The following CSTB variants were observed in gnomAD, a reference collection of about 807,000 sequenced individuals.
The protein encoded by CSTB is cystatin-B.
In CSTB, 8 loss-of-function variants were observed where a neutral mutation model predicts 7.6. The observed-to-expected ratio is 1.05, with a 90% confidence interval of 0.62 to 1.89. CSTB has a LOEUF of 1.89. CSTB is among the 40% of genes most tolerant of loss of function. The pLI, the probability that CSTB is intolerant of heterozygous loss-of-function variation, is 0.00. For missense variants in CSTB, 124 were observed against 126.4 expected, an observed-to-expected ratio of 0.98 and a Z score of 0.09; for synonymous variants, 56 against 55.3, an observed-to-expected ratio of 1.01 and a Z score of -0.06.
In CSTB at chr21:43,776,236, C is replaced by T; in HGVS notation, c.34G>A (p.Ala12Thr). 1 of 1,529,680 alleles carries T rather than the reference C, an allele frequency of 6.5e-7. No individual in the cohort carries two copies. The highest frequency in any genetic ancestry group is 8.8e-7 in the Non-Finnish European group (1 of 1,141,412). The allele number at this position is 1,529,680 out of a possible 1,614,324, so 94.8% of individuals were successfully genotyped here. A position where few individuals can be genotyped will look rare whatever the true frequency, so the allele number is the denominator to read the frequency against. ...MCGAPSATQP[A>T]TAETQHIADQ... Reference sequence around the variant, plus strand: ...GCGATGTGCTGGGTCTCGGCGGTGGCCGGCTGCGTGGCGGAGGGCGCCCCG... The same window carrying T: ...GCGATGTGCTGGGTCTCGGCGGTGGTCGGCTGCGTGGCGGAGGGCGCCCCG... Residue 12 changes from alanine (A) to threonine (T), a missense_variant, in exon 1 of 3, where the codon GCC (alanine) becomes ACC (threonine). Ala to Thr is a moderately conservative substitution (Grantham distance 58, BLOSUM62 0). Coordinates refer to ENST00000291568, the MANE Select transcript of CSTB (RefSeq NM_000100.4).
chr21:43,775,278 G>A, intron 1 of CSTB: 1 of 208,640 alleles, frequency 4.8e-6, no homozygotes, highest in Non-Finnish European at 9.9e-6. Context: ...CTTGCTTGGG[G>A]CATCCCGTCG....
intron 1 of CSTB, 25 bp downstream of exon 1, chr21:43,776,179 G>T: frequency 6.6e-7 from 1 of 1,524,996 alleles, no homozygotes. Flanking sequence ...ACTCCGGGCC[G>T]GCCCCGTCCC....
chr21:43,775,048 C>T, intron 1 of CSTB: 1 of 447,086 alleles, frequency 2.2e-6, no homozygotes, highest in East Asian at 4.6e-5. Context: ...AATGGCAAAA[C>T]CCCGTTTCTA....
In CSTB at chr21:43,774,727, CTTG is replaced by C. The variant is rs750620672; in HGVS notation, c.96_98del (p.Asn32del). On this transcript the variant is annotated inframe_deletion, in exon 2 of 3. Transcript: ENST00000291568. ...ACACGGCCTTAAACACAGGGAACTT[CTTG>C]TTTTCTTTCTCTTCAAGCTGGGACC... is the stretch of plus-strand genomic sequence containing the variant. The C allele has an allele frequency of 6.2e-6, 10 of 1,614,026 alleles. No individual in the cohort carries two copies. The highest frequency in any genetic ancestry group is 1.1e-5 in the South Asian group (1 of 91,088).
At chr21:43,775,928 T>A in intron 1 of CSTB, 1 of 413,098 alleles carries the variant, frequency 2.4e-6, no homozygotes. Flanking sequence ...AGACTGTCCA[T>A]GCAGGGACCG....
Position 43,776,225 on chromosome 21 carries a change from C to T in CSTB, c.45G>A (p.Glu15=), listed in dbSNP as rs1057521317. 1.4e-4 allele frequency: 219 copies of T among 1,532,286 alleles called. 1 individual carries two copies. In the East Asian group the frequency reaches 5.2e-3, roughly 37 times the overall value. The allele number at this position is 1,532,286 out of a possible 1,614,324, so 94.9% of individuals were successfully genotyped here. A position where few individuals can be genotyped will look rare whatever the true frequency, so the allele number is the denominator to read the frequency against. ...APSATQPATA[E]TQHIADQVRS... ...CCACCTGGTCGGCGATGTGCTGGGT[C>T]TCGGCGGTGGCCGGCTGCGTGGCGG... Residue 15 remains glutamate (E), a synonymous_variant, in exon 1 of 3, where the codon GAG becomes GAA. Transcript: ENST00000291568.
Position 43,774,670 on chromosome 21 carries a change from G to C in CSTB, c.156C>G (p.Asn52Lys). 1 of 1,613,874 alleles carries C rather than the reference G, an allele frequency of 6.2e-7. No individual in the cohort carries two copies. Among genetic ancestry groups the C allele is most frequent in the South Asian group, 1.1e-5 (1 of 91,076 alleles). ...GCCCACACTCTACCTTGATGAAGTA[G>C]TTTGTCCCCGCGACCACCTGGCTCT... ...SFKSQVVAGT[N>K]YFIKVHVGDE... The change falls in exon 2 of 3, where the codon AAC becomes AAG. Residue 52 changes from asparagine (N) to lysine (K), a missense_variant. Physicochemically the swap from Asn to Lys is moderately conservative, Grantham distance 94 (BLOSUM62 0). Transcript: ENST00000291568.
intron 2 of CSTB, 42 bp from the exon 3 acceptor site, chr21:43,774,372 C>T: frequency 5.6e-6 from 9 of 1,613,760 alleles, no homozygotes; most frequent in Non-Finnish European, 7.6e-6. Flanking sequence ...GATCCCAAGT[C>T]ACCTTGCTGC....
At chr21:43,775,274 T>C in intron 1 of CSTB, 1 of 212,566 alleles carries the variant, frequency 4.7e-6, no homozygotes, top group Non-Finnish European at 9.6e-6. Context: ...TGTTCTTGCT[T>C]GGGGCATCCC....
In CSTB at chr21:43,773,975, T is replaced by C. The variant is rs886057112; in HGVS notation, c.*227A>G. 6.8e-6 allele frequency: 4 copies of C among 588,400 alleles called. No homozygotes were observed. The highest frequency in any genetic ancestry group is 1.2e-5 in the Non-Finnish European group (4 of 333,060). The allele number at this position is 588,400 out of a possible 1,614,324, so 36.4% of individuals were successfully genotyped here. On this transcript the variant is annotated 3_prime_UTR_variant, in exon 3 of 3. Coordinates refer to ENST00000291568, the MANE Select transcript of CSTB (RefSeq NM_000100.4). Reference sequence around the variant, plus strand: ...TAAGGATTTTAAAAATATATCTATTTTGAAAATATTCTGAAAGTAATTAAG... The same window carrying C: ...TAAGGATTTTAAAAATATATCTATTCTGAAAATATTCTGAAAGTAATTAAG...
chr21:43,774,405 C>G, intron 2 of CSTB, 75 bp from the exon 3 acceptor site: 1 of 1,604,962 alleles, frequency 6.2e-7, no homozygotes, highest in Admixed American at 1.7e-5. Context: ...CATTAGCAGC[C>G]AGCTGAAGAC....
Position 43,774,243 on chromosome 21 carries a change from G to C in CSTB, c.256C>G (p.Gln86Glu). The change falls in exon 3 of 3, where the codon CAG (glutamine) becomes GAG (glutamate). Residue 86 changes from glutamine (Q) to glutamate (E), a missense_variant. Transcript: ENST00000291568. ...TCATCATGCTTGGCTTTGTTGGTCT[G>C]GTAGTTAGATAAGGTCAAGGGCTTG... ...ENKPLTLSNY[Q>E]TNKAKHDELT... is the part of the protein sequence containing the mutation. The C allele has an allele frequency of 6.2e-7, 1 of 1,614,238 alleles. No homozygotes were observed. The highest frequency in any genetic ancestry group is 8.5e-7 in the Non-Finnish European group (1 of 1,180,042).
At chr21:43,774,472 T>C in intron 2 of CSTB, 142 bp from the exon 3 acceptor site, 2 of 1,388,154 alleles carry the variant, frequency 1.4e-6, no homozygotes, top group Admixed American at 1.7e-5. Context: ...CTTGTTTCCT[T>C]GGGGTTCTTA....
In CSTB at chr21:43,776,194, G is replaced by T; in HGVS notation, c.66+10C>A. The T allele has an allele frequency of 6.5e-7, 1 of 1,529,330 alleles. No individual in the cohort carries two copies. 94.7% of individuals were successfully genotyped at this position (1,529,330 alleles called of 1,614,324 possible). On this transcript the variant is annotated intron_variant, in intron 1 of 2. Transcript: ENST00000291568. The stretch of plus-strand genomic sequence containing the variant: ...ACTCCGGGCCGGCCCCGTCCCCGCG[G>T]CCCACCCACCTGGTCGGCGATGTGC...
Position 43,776,291 on chromosome 21 carries a change from C to CT in CSTB, c.-23dup. 1 of 1,528,242 alleles carries CT rather than the reference C, an allele frequency of 6.5e-7. No individual in the cohort carries two copies. Among genetic ancestry groups the CT allele is most frequent in the Non-Finnish European group, 8.8e-7 (1 of 1,139,574 alleles). 94.7% of individuals were successfully genotyped at this position (1,528,242 alleles called of 1,614,324 possible). ...TCATCTTGGCGGCGACGGAGGGAAT[C>CT]TGGCGAGGGGACTCGGCGAGGGGAC... On this transcript the variant is annotated 5_prime_UTR_variant, in exon 1 of 3. Transcript: ENST00000291568.
chr21:43,776,243 C>G lies in CSTB; in HGVS notation c.27G>C (p.Thr9=), dbSNP rs945357152. 4 of 1,528,504 alleles carry G rather than the reference C, an allele frequency of 2.6e-6. No individual in the cohort carries two copies. Among genetic ancestry groups the G allele is most frequent in the African/African-American group, 2.8e-5 (2 of 70,904 alleles). The allele number at this position is 1,528,504 out of a possible 1,614,324, so 94.7% of individuals were successfully genotyped here. The part of the protein sequence containing the change: MMCGAPSA[T]QPATAETQHI... ...GCTGGGTCTCGGCGGTGGCCGGCTG[C>G]GTGGCGGAGGGCGCCCCGCACATCA... Residue 9 remains threonine, a synonymous_variant, in exon 1 of 3, where the codon ACG becomes ACC. Coordinates refer to ENST00000291568, the MANE Select transcript of CSTB (RefSeq NM_000100.4).
At chr21:43,776,113 C>T in intron 1 of CSTB, 91 bp downstream of exon 1, 1 of 1,229,190 alleles carries the variant, frequency 8.1e-7, no homozygotes, top group Non-Finnish European at 1.1e-6. Flanking sequence ...CGCAGCGGGG[C>T]CAAAGCGGCT....
chr21:43,775,466 G>A (rs1378936518), intron 1 of CSTB: 1 of 153,864 alleles, frequency 6.5e-6, no homozygotes, highest in African/African-American at 2.4e-5. Context: ...CTGCAACCCA[G>A]CCCGGTTTTT....
At chr21:43,775,797 G>T in intron 1 of CSTB, 1 of 188,184 alleles carries the variant, frequency 5.3e-6, no homozygotes, top group Non-Finnish European at 1.1e-5. Context: ...CTTCCCACCC[G>T]CTTGCTATCG....
Sources: allele counts gnomAD v4.1 joint callset, GRCh38; gene constraint gnomAD v4.1.1; transcripts MANE v1.5; gene names NCBI Gene and HGNC (gene_info 2026-07-23, HGNC 2026-07-21).